The following WNT9A variants were observed in gnomAD, a reference collection of about 807,000 sequenced individuals.
WNT9A encodes Wnt family member 9A.
In WNT9A, 8 loss-of-function variants were observed where a neutral mutation model predicts 31.4. The observed-to-expected ratio is 0.26, with a 90% CI of 0.15 to 0.46. The LOEUF (loss-of-function observed/expected upper bound fraction) is 0.46. Among genes scored for constraint, WNT9A ranks in the 20% least tolerant of loss-of-function variants. The pLI is 0.99. For missense variants in WNT9A, 457 were observed against 522.9 expected (o/e 0.87, Z 1.23); for synonymous variants, 236 against 220.1 (o/e 1.07, Z -0.64).
chr1:227,933,098 T>G (rs1437813772), intron 1 of WNT9A, among the ~76,000 whole-genome samples: 2 of 152,248 alleles, frequency 1.3e-5, no homozygotes, highest in Non-Finnish European at 2.9e-5. Flanking sequence ...AGATGACATC[T>G]TCTTTCAGTA....
intron 1 of WNT9A, among the ~76,000 whole-genome samples, chr1:227,940,804 A>G (rs1666691197): frequency 6.6e-6 from 1 of 152,188 alleles, no homozygotes; most frequent in South Asian, 2.1e-4. Flanking sequence ...TCTGGCGGGC[A>G]GCGGCGCCCA....
rs774359063 is a variant in WNT9A at position 227,925,472 on chromosome 1, G to A, written c.143C>T (p.Pro48Leu). The part of the protein sequence containing the change: ...PLTILPLTLE[P>L]EAAAQAHYKA... ...GTAGTGCGCCTGGGCAGCCGCCTCT[G>A]GCTCCAGGGTCAGCGGGAGGATGGT... is the stretch of plus-strand genomic sequence containing the variant. The change falls in exon 2 of 4, where the codon CCA becomes CTA. Residue 48 changes from proline (P) to leucine (L), a missense_variant. Physicochemically the swap from Pro to Leu is moderately conservative, Grantham distance 98. Transcript: ENST00000272164. This position sits in a 1 kb window ranked among gnomAD's most constrained non-coding sequence, Gnocchi z 6.0. The A allele has an allele frequency of 6.3e-7, 1 of 1,577,726 alleles. No homozygotes were observed. The highest frequency in any genetic ancestry group is 8.6e-7 in the Non-Finnish European group (1 of 1,166,042).
chr1:227,927,158 A>C (rs1022026996), intron 1 of WNT9A, among the ~76,000 whole-genome samples: 1 of 152,176 alleles, frequency 6.6e-6, no homozygotes, highest in Non-Finnish European at 1.5e-5. Context: ...CCAGAGTTGC[A>C]GAAGGACCTG....
At position 227,942,368 on chromosome 1, in the gene WNT9A, C is replaced by A. The variant is rs1666722064; in HGVS notation, c.95+5425G>T. Among the ~76,000 whole-genome samples, 2 of 152,136 alleles carry A rather than the reference C, an allele frequency of 1.3e-5. No individual in the cohort carries two copies. Among genetic ancestry groups the A allele is most frequent in the Non-Finnish European group, 2.9e-5 (2 of 67,992 alleles). On this transcript the variant is annotated intron_variant, in intron 1 of 3. Coordinates refer to ENST00000272164, the MANE Select transcript of WNT9A (RefSeq NM_003395.4). This position sits in a 1 kb window ranked among gnomAD's most constrained non-coding sequence, Gnocchi z 5.7. ...GGGTGCAGAGCAGGAAGGAGGAAGGCCACCAGCGCCTGCAGGGGCCATCAG... is the reference window on the plus strand; with the variant it reads ...GGGTGCAGAGCAGGAAGGAGGAAGGACACCAGCGCCTGCAGGGGCCATCAG...
rs765947809 is a variant in WNT9A at position 227,925,547 on chromosome 1, C to T, written c.96-28G>A. The T allele has an allele frequency of 3.6e-5, 53 of 1,482,976 alleles. No homozygotes were observed. Among genetic ancestry groups the T allele is most frequent in the Admixed American group, 8.7e-5 (4 of 45,874 alleles). The allele number at this position is 1,482,976 out of a possible 1,614,324, so 91.9% of individuals were successfully genotyped here. ...GGGCACAGAGAGGCCAGCATGAGCCCGGCCCCAGGAAGCCCTGCTGGAGCC... is the reference window on the plus strand; with the variant it reads ...GGGCACAGAGAGGCCAGCATGAGCCTGGCCCCAGGAAGCCCTGCTGGAGCC... On this transcript the variant is annotated intron_variant, in intron 1 of 3. Transcript: ENST00000272164. This position sits in a 1 kb window ranked among gnomAD's most constrained non-coding sequence, Gnocchi z 6.0.
intron 1 of WNT9A, among the ~76,000 whole-genome samples, chr1:227,941,840 C>T (rs955031982): frequency 2.0e-5 from 3 of 152,070 alleles, no homozygotes; most frequent in South Asian, 2.1e-4. Context: ...GTCCTGACCC[C>T]GCCGCCCAGC....
chr1:227,918,811 G>C lies in WNT9A; in HGVS notation c.*2707C>G, dbSNP rs1373950315. 6.6e-6 allele frequency: 1 copy of C among 152,068 alleles called. No individual in the cohort carries two copies. The highest frequency in any genetic ancestry group is 2.4e-5 in the African/African-American group (1 of 41,418). 9.4% of individuals were successfully genotyped at this position (152,068 alleles called of 1,614,324 possible). A position where few individuals can be genotyped will look rare whatever the true frequency, so the allele number is the denominator to read the frequency against. ...CGCACGGAGACTCGGAGCACAGACA[G>C]GGCCCCTCCCACCCACCCACACCTG... On this transcript the variant is annotated 3_prime_UTR_variant, in exon 4 of 4. Transcript: ENST00000272164.
chr1:227,927,604 G>A lies in WNT9A; in HGVS notation c.96-2085C>T, dbSNP rs536047944. Among the ~76,000 whole-genome samples the A allele has an allele frequency of 2.6e-5, 4 of 152,272 alleles. 1 individual carries two copies. In the South Asian group the frequency reaches 8.3e-4, roughly 32 times the overall value. ...CATCTGGGCACACAGAGCACGGCTA[G>A]GGCGGGAGGCAGGCGGGGGAGTAAG... On this transcript the variant is annotated intron_variant, in intron 1 of 3. Coordinates refer to ENST00000272164, the MANE Select transcript of WNT9A (RefSeq NM_003395.4).
At chr1:227,924,457 T>TC in intron 2 of WNT9A, 57 bp from the exon 3 acceptor site, 1 of 1,563,788 alleles carries the variant, frequency 6.4e-7, no homozygotes. Flanking sequence ...CCCCCTTCAC[T>TC]GTCCTGCAGC....
intron 1 of WNT9A, among the ~76,000 whole-genome samples, chr1:227,943,263 C>T (rs1459456918): frequency 6.6e-6 from 1 of 152,222 alleles, no homozygotes; most frequent in Non-Finnish European, 1.5e-5. Flanking sequence ...CCCACCCACC[C>T]AGTGGGGCTG....
chr1:227,922,656 G>T (rs770311854), intron 3 of WNT9A, among the ~76,000 whole-genome samples: 1 of 152,048 alleles, frequency 6.6e-6, no homozygotes, highest in African/African-American at 2.4e-5. Flanking sequence ...GGCCCCAGAG[G>T]GGGGTGCACC....
chr1:227,934,523 A>G (rs944339516), intron 1 of WNT9A, among the ~76,000 whole-genome samples: 39 of 152,182 alleles, frequency 2.6e-4, no homozygotes, highest in African/African-American at 8.9e-4. Flanking sequence ...AGTCTCAGAT[A>G]TTTCCAAGAA....
intron 1 of WNT9A, among the ~76,000 whole-genome samples, chr1:227,938,209 A>AC (rs1393212949): frequency 1.3e-5 from 2 of 149,026 alleles, no homozygotes; most frequent in South Asian, 2.1e-4. Context: ...ACACACACAA[A>AC]CCCCCCCACA....
intron 1 of WNT9A, among the ~76,000 whole-genome samples, chr1:227,939,846 G>A (rs1666662880): frequency 6.6e-6 from 1 of 152,206 alleles, no homozygotes; most frequent in Non-Finnish European, 1.5e-5. Context: ...AGAAACCGGG[G>A]CTGAGATCAA....
rs1347812076 is a variant in WNT9A, at chr1:227,942,846, G to C, written c.95+4947C>G. ...CCGGCCCACAGTGCTCAGAGCACCCGACCCAGGCCCCAGCCATGGGGTCAC... is the reference window on the plus strand; with the variant it reads ...CCGGCCCACAGTGCTCAGAGCACCCCACCCAGGCCCCAGCCATGGGGTCAC... On this transcript the variant is annotated intron_variant, in intron 1 of 3. Coordinates refer to ENST00000272164, the MANE Select transcript of WNT9A (RefSeq NM_003395.4). This position sits in a 1 kb window ranked among gnomAD's most constrained non-coding sequence, Gnocchi z 5.7. 6.6e-6 allele frequency among the ~76,000 whole-genome samples: 1 copy of C among 152,100 alleles called. No individual in the cohort carries two copies. The highest frequency in any genetic ancestry group is 2.4e-5 in the African/African-American group (1 of 41,420).
In WNT9A at chr1:227,925,503, G is replaced by C. The variant is rs766284882; in HGVS notation, c.112C>G (p.Pro38Ala). Residue 38 changes from proline to alanine, a missense_variant, in exon 2 of 4, where the codon CCC (proline) becomes GCC (alanine). Transcript: ENST00000272164. This position sits in a 1 kb window ranked among gnomAD's most constrained non-coding sequence, Gnocchi z 6.0. ...AAYFGLTGSE[P>A]LTILPLTLEP... Reference sequence around the variant, plus strand: ...AGGGTCAGCGGGAGGATGGTCAGGGGCTCGCTGCCCGTCAGCCTGGGCACA... The same window carrying C: ...AGGGTCAGCGGGAGGATGGTCAGGGCCTCGCTGCCCGTCAGCCTGGGCACA... 1.9e-6 allele frequency: 3 copies of C among 1,554,856 alleles called. No homozygotes were observed. Among genetic ancestry groups the C allele is most frequent in the Middle Eastern group, 4.0e-4 (2 of 4,986 alleles).
At position 227,928,645 on chromosome 1, in the gene WNT9A, C is replaced by A. The variant is rs998434065; in HGVS notation, c.96-3126G>T. Among the ~76,000 whole-genome samples, 1 of 152,186 alleles carries A rather than the reference C, an allele frequency of 6.6e-6. No homozygotes were observed. The highest frequency in any genetic ancestry group is 2.4e-5 in the African/African-American group (1 of 41,444). ...CAGGCAGACCACAGGCACCACAGGGCATGCTGGGGAACAGGATGGGCGATC... is the reference window on the plus strand; with the variant it reads ...CAGGCAGACCACAGGCACCACAGGGAATGCTGGGGAACAGGATGGGCGATC... On this transcript the variant is annotated intron_variant, in intron 1 of 3. Transcript: ENST00000272164. The surrounding 1 kb of genome is among the most constrained non-coding windows in gnomAD (Gnocchi z 4.5).
In WNT9A at chr1:227,928,083, C is replaced by T. The variant is rs925163368; in HGVS notation, c.96-2564G>A. On this transcript the variant is annotated intron_variant, in intron 1 of 3. Coordinates refer to ENST00000272164, the MANE Select transcript of WNT9A (RefSeq NM_003395.4). The surrounding 1 kb of genome is among the most constrained non-coding windows in gnomAD (Gnocchi z 4.5). ...GCCCTGCCCTCTCCCTGTGACCCAC[C>T]GCCTTGCCCACACTGGTCAGTGTGA... Among the ~76,000 whole-genome samples the T allele has an allele frequency of 3.3e-5, 5 of 152,088 alleles. No individual in the cohort carries two copies. Among genetic ancestry groups the T allele is most frequent in the African/African-American group, 4.8e-5 (2 of 41,410 alleles).
Position 227,925,667 on chromosome 1 carries a change from G to C in WNT9A, c.96-148C>G, listed in dbSNP as rs1325783388. On this transcript the variant is annotated intron_variant, in intron 1 of 3. Coordinates refer to ENST00000272164, the MANE Select transcript of WNT9A (RefSeq NM_003395.4). This position sits in a 1 kb window ranked among gnomAD's most constrained non-coding sequence, Gnocchi z 6.0. ...AATCCAGGATGAGCCAGGCAGGGGAGAGGGAGGCGAGAAGGGCCTTGGCCC... is the reference window on the plus strand; with the variant it reads ...AATCCAGGATGAGCCAGGCAGGGGACAGGGAGGCGAGAAGGGCCTTGGCCC... 3.8e-6 allele frequency: 5 copies of C among 1,301,630 alleles called. No homozygotes were observed. The African/African-American group carries it at 6.0e-5, about 16-fold the overall frequency. 80.6% of individuals were successfully genotyped at this position (1,301,630 alleles called of 1,614,324 possible).
Sources: allele counts gnomAD v4.1 joint callset (sites outside exome capture counted in the v4.1 genomes callset), GRCh38; gene constraint gnomAD v4.1.1; non-coding constraint Gnocchi (gnomAD v3.1); transcripts MANE v1.5; gene names NCBI Gene and HGNC (gene_info 2026-07-23, HGNC 2026-07-21).